CTTNBP2: variants seen among roughly 807,000 people sequenced by gnomAD.
CTTNBP2 encodes cortactin binding protein 2.
A neutral mutation model predicts 156.9 loss-of-function variants in CTTNBP2; 108 were observed. The observed-to-expected ratio is 0.69, with a 90% confidence interval of 0.59 to 0.81. CTTNBP2 has a LOEUF of 0.81. CTTNBP2 is among the 30% of genes least tolerant of loss of function. The pLI is 0.00. For missense variants in CTTNBP2, 1,924 were observed against 2,035.4 expected (o/e 0.95, Z 1.05); for synonymous variants, 767 against 751.8 (o/e 1.02, Z -0.33).
At chr7:117,744,996 C>T (rs567672375) in intron 14 of CTTNBP2, among the ~76,000 whole-genome samples, 2 of 152,196 alleles carry the variant, frequency 1.3e-5, no homozygotes, top group Non-Finnish European at 2.9e-5. Context: ...CGCCCCTTCC[C>T]CAGGGGTCTC....
At position 117,796,316 on chromosome 7, in the gene CTTNBP2, C is replaced by T. The variant is rs910599536; in HGVS notation, c.415-3535G>A. On this transcript the variant is annotated intron_variant, in intron 3 of 22. Transcript: ENST00000160373. The stretch of plus-strand genomic sequence containing the variant: ...CCAATCACATTATATAAGCACAGTA[C>T]ATAAACATTTTTATATTAAAAAATC... 2.6e-5 allele frequency among the ~76,000 whole-genome samples: 4 copies of T among 152,168 alleles called. No individual in the cohort carries two copies. In the East Asian group the frequency reaches 5.8e-4, roughly 22 times the overall value.
At chr7:117,739,561 T>A (rs1167311276) in intron 14 of CTTNBP2, among the ~76,000 whole-genome samples, 2 of 152,222 alleles carry the variant, frequency 1.3e-5, no homozygotes, top group Non-Finnish European at 1.5e-5. Context: ...TTGCACATCC[T>A]TATATTAAAA....
Position 117,777,742 on chromosome 7 carries a change from T to C in CTTNBP2, c.2547A>G (p.Ala849=), listed in dbSNP as rs1317273384. Residue 849 remains alanine (A), a synonymous_variant, in exon 8 of 23, where the codon GCA becomes GCG. Coordinates refer to ENST00000160373, the MANE Select transcript of CTTNBP2 (RefSeq NM_033427.3). ...KTTDGWTPVH[A]AVDTGNVDSL... ...TGTCCACATTACCAGTGTCCACAGC[T>C]GCGTGAACTGGTGTCCAGCCATCCT... The C allele has an allele frequency of 6.2e-7, 1 of 1,610,054 alleles. No individual in the cohort carries two copies. The highest frequency in any genetic ancestry group is 1.7e-5 in the Admixed American group (1 of 59,914).
chr7:117,806,828 G>A (rs532863022), intron 3 of CTTNBP2, among the ~76,000 whole-genome samples: 6 of 148,314 alleles, frequency 4.0e-5, no homozygotes, highest in East Asian at 2.0e-4. Context: ...GTGCGATCTC[G>A]GCTCACTGTG....
intron 1 of CTTNBP2, among the ~76,000 whole-genome samples, chr7:117,868,141 C>T (rs1318268060): frequency 6.6e-6 from 1 of 152,180 alleles, no homozygotes; most frequent in Non-Finnish European, 1.5e-5. Flanking sequence ...TTCGATGTGA[C>T]ATCAGCCCGA....
Position 117,792,867 on chromosome 7 carries a change from T to G in CTTNBP2, c.415-86A>C. 1.0e-6 allele frequency: 1 copy of G among 983,098 alleles called. No homozygotes were observed. The highest frequency in any genetic ancestry group is 1.4e-6 in the Non-Finnish European group (1 of 717,452). 60.9% of individuals were successfully genotyped at this position (983,098 alleles called of 1,614,324 possible). ...ATGCTTTTTGTGAGATTTTTATTAATTTTCTAACAATTACATAACTCGGGT... is the reference window on the plus strand; with the variant it reads ...ATGCTTTTTGTGAGATTTTTATTAAGTTTCTAACAATTACATAACTCGGGT... On this transcript the variant is annotated intron_variant, in intron 3 of 22. Coordinates refer to ENST00000160373, the MANE Select transcript of CTTNBP2 (RefSeq NM_033427.3). This position sits in a 1 kb window ranked among gnomAD's most constrained non-coding sequence, Gnocchi z 4.2.
In CTTNBP2 at chr7:117,791,287, C is replaced by T; in HGVS notation, c.1909G>A (p.Gly637Ser). 6.2e-7 allele frequency: 1 copy of T among 1,614,100 alleles called. No individual in the cohort carries two copies. Among genetic ancestry groups the T allele is most frequent in the African/African-American group, 1.3e-5 (1 of 75,004 alleles). Residue 637 changes from glycine (G) to serine (S), a missense_variant, in exon 4 of 23, where the codon GGT becomes AGT. Transcript: ENST00000160373. ...CCGGGGGTTGCAGCAGGCCAGGCAC[C>T]CACCTGAGACGTGGCCAGGGCTGAA... is the stretch of plus-strand genomic sequence containing the variant. ...AVSALATSQV[G>S]AWPAATPGLN...
intron 2 of CTTNBP2, 142 bp from the exon 3 acceptor site, chr7:117,811,131 G>C (rs2116968882): frequency 1.5e-6 from 1 of 647,430 alleles, no homozygotes; most frequent in Non-Finnish European, 2.6e-6. Context: ...TGGTGAGTGA[G>C]AGGCAAATGT....
chr7:117,722,338 A>G (rs548900722), intron 19 of CTTNBP2, among the ~76,000 whole-genome samples: 92 of 151,742 alleles, frequency 6.1e-4, no homozygotes, highest in African/African-American at 2.2e-3. Flanking sequence ...AAAATTTACC[A>G]TTATAAAAAT....
intron 2 of CTTNBP2, among the ~76,000 whole-genome samples, chr7:117,843,716 A>T (rs1351252615): frequency 6.6e-6 from 1 of 152,190 alleles, no homozygotes; most frequent in African/African-American, 2.4e-5. Context: ...TCTTGTTTTA[A>T]CAAGATAACT....
chr7:117,752,251 C>T (rs1043829268), intron 12 of CTTNBP2, among the ~76,000 whole-genome samples: 2 of 152,156 alleles, frequency 1.3e-5, no homozygotes, highest in Non-Finnish European at 2.9e-5. Context: ...GGATCCCATC[C>T]TGGACATTCA....
intron 2 of CTTNBP2, among the ~76,000 whole-genome samples, 174 bp downstream of exon 2, chr7:117,861,035 T>C: frequency 6.6e-6 from 1 of 152,186 alleles, no homozygotes; most frequent in East Asian, 1.9e-4. Context: ...ACTTCAGTGT[T>C]TGTTTGGGCT....
At chr7:117,793,811 T>C (rs1173664936) in intron 3 of CTTNBP2, among the ~76,000 whole-genome samples, 3 of 152,342 alleles carry the variant, frequency 2.0e-5, no homozygotes, top group Admixed American at 2.0e-4. Context: ...AAAGCCTTTC[T>C]TTCTCCAGAT....
At chr7:117,818,785 AAGCATTT>A (rs1444053653) in intron 2 of CTTNBP2, among the ~76,000 whole-genome samples, 3 of 152,236 alleles carry the variant, frequency 2.0e-5, no homozygotes, top group African/African-American at 7.2e-5. Flanking sequence ...CAATATCTGA[AAGCATTT>A]TATGTTTGAA....
intron 2 of CTTNBP2, among the ~76,000 whole-genome samples, chr7:117,829,836 A>C (rs1345096714): frequency 6.6e-6 from 1 of 152,236 alleles, no homozygotes; most frequent in African/African-American, 2.4e-5. Context: ...GAGCTGTCTC[A>C]GTACAGCCAC....
intron 2 of CTTNBP2, among the ~76,000 whole-genome samples, chr7:117,845,166 C>T (rs1802511757): frequency 6.6e-6 from 1 of 152,104 alleles, no homozygotes; most frequent in South Asian, 2.1e-4. Context: ...AAGTGAGGAC[C>T]AAGGGAATTG....
intron 2 of CTTNBP2, among the ~76,000 whole-genome samples, chr7:117,812,103 T>A (rs1800330864): frequency 3.9e-5 from 6 of 152,068 alleles, no homozygotes; most frequent in Admixed American, 3.9e-4. Flanking sequence ...AACTTAATTA[T>A]ACTCTAAATG....
chr7:117,755,612 G>T (rs1448556472), intron 12 of CTTNBP2: 2 of 462,410 alleles, frequency 4.3e-6, no homozygotes, highest in Non-Finnish European at 4.4e-6. Flanking sequence ...GGGATGTTTT[G>T]AAGAATAAAT....
intron 8 of CTTNBP2, among the ~76,000 whole-genome samples, chr7:117,773,674 C>CACAT: frequency 6.7e-6 from 1 of 149,576 alleles, no homozygotes; most frequent in South Asian, 2.1e-4. Flanking sequence ...CACACACACA[C>CACAT]ACACACACAC....
Sources: gnomAD v4.1 joint callset for allele counts (sites outside exome capture counted in the v4.1 genomes callset) on GRCh38, gnomAD v4.1.1 for gene constraint, Gnocchi (gnomAD v3.1) non-coding constraint, MANE v1.5 for transcripts, NCBI Gene and HGNC (gene_info 2026-07-23, HGNC 2026-07-21) for gene names.